The following NFATC1 variants were observed in gnomAD, a reference collection of about 807,000 sequenced individuals.
The protein encoded by NFATC1 is nuclear factor of activated T cells 1.
In NFATC1, 22 loss-of-function variants were observed where a neutral mutation model predicts 76.0. The observed-to-expected ratio is 0.29, with a 90% CI of 0.21 to 0.41. The LOEUF (loss-of-function observed/expected upper bound fraction) is 0.41, where lower values mean the gene tolerates loss of function less well. Ranked by LOEUF, NFATC1 falls within the 10% of genes least tolerant of loss-of-function variation. The probability of loss-of-function intolerance (pLI) is 1.00; values close to 1 mark genes in which losing one functional copy is unlikely to be tolerated. For missense variants in NFATC1, 1,357 were observed against 1,337.7 expected (o/e 1.01, Z -0.23); for synonymous variants, 704 against 613.1 (o/e 1.15, Z -2.19).
intron 9 of NFATC1, among the ~76,000 whole-genome samples, chr18:79,489,729 C>A (rs1037219447): frequency 6.6e-6 from 1 of 152,202 alleles, no homozygotes; most frequent in East Asian, 1.9e-4. Context: ...CGTCCACGTA[C>A]GCTTCGTCAG....
chr18:79,448,811 G>A lies in NFATC1; in HGVS notation c.1416G>A (p.Leu472=), dbSNP rs1482385709. The stretch of plus-strand genomic sequence containing the variant: ...ATGGCTACTTGGAGAATGAGCCGCT[G>A]ATGCTGCAGCTTTTCATTGGGACGG... ...QLHGYLENEP[L]MLQLFIGTAD... The change falls in exon 4 of 10, where the codon CTG becomes CTA. Residue 472 remains leucine, a synonymous_variant. Coordinates refer to ENST00000427363, the MANE Select transcript of NFATC1 (RefSeq NM_001278669.2). The A allele has an allele frequency of 1.2e-6, 2 of 1,613,768 alleles. No individual in the cohort carries two copies. The highest frequency in any genetic ancestry group is 1.7e-6 in the Non-Finnish European group (2 of 1,180,022).
At chr18:79,441,078 T>C (rs2086957003) in intron 3 of NFATC1, among the ~76,000 whole-genome samples, 1 of 152,230 alleles carries the variant, frequency 6.6e-6, no homozygotes, top group African/African-American at 2.4e-5. Context: ...CCCTGGGCCC[T>C]GCGGAGCCGA....
Position 79,410,319 on chromosome 18 carries a change from G to A in NFATC1, c.128-84G>A. The A allele has an allele frequency of 1.3e-6, 2 of 1,522,890 alleles. No individual in the cohort carries two copies. The highest frequency in any genetic ancestry group is 2.0e-5 in the Admixed American group (1 of 49,850). The allele number at this position is 1,522,890 out of a possible 1,614,324, so 94.3% of individuals were successfully genotyped here. A position where few individuals can be genotyped will look rare whatever the true frequency, so the allele number is the denominator to read the frequency against. On this transcript the variant is annotated intron_variant, in intron 1 of 9. Coordinates refer to ENST00000427363, the MANE Select transcript of NFATC1 (RefSeq NM_001278669.2). This position sits in a 1 kb window ranked among gnomAD's most constrained non-coding sequence, Gnocchi z 6.7. ...TGGGGTCCGTTGGTCGAGGCCGGGGGTTGCTGGCCGGCCCTGAGTTCATGG... is the reference window on the plus strand; with the variant it reads ...TGGGGTCCGTTGGTCGAGGCCGGGGATTGCTGGCCGGCCCTGAGTTCATGG...
intron 8 of NFATC1, among the ~76,000 whole-genome samples, chr18:79,478,812 G>T (rs2089174753): frequency 6.6e-6 from 1 of 152,220 alleles, no homozygotes; most frequent in Non-Finnish European, 1.5e-5. Context: ...CAGAGACTCT[G>T]CAGCGGCATC....
intron 7 of NFATC1, among the ~76,000 whole-genome samples, chr18:79,462,203 G>A (rs907619831): frequency 6.6e-6 from 1 of 152,162 alleles, no homozygotes; most frequent in African/African-American, 2.4e-5. Flanking sequence ...CCATCCCTGC[G>A]CTTCTGATCC....
intron 3 of NFATC1, among the ~76,000 whole-genome samples, chr18:79,446,430 C>T (rs1329043188): frequency 6.6e-6 from 1 of 151,702 alleles, no homozygotes; most frequent in Non-Finnish European, 1.5e-5. Flanking sequence ...GACTCATTTA[C>T]ATTTTTTTCT....
At chr18:79,400,837 C>CTGTT (rs2085203495) in intron 1 of NFATC1, among the ~76,000 whole-genome samples, 1 of 578 alleles carries the variant, frequency 1.7e-3, no homozygotes, top group African/African-American at 6.0e-3. Flanking sequence ...CCCCGACCCC[C>CTGTT]CCCCCACCCG....
chr18:79,462,997 G>A (rs183950309), intron 7 of NFATC1, among the ~76,000 whole-genome samples: 21 of 152,302 alleles, frequency 1.4e-4, no homozygotes, highest in African/African-American at 5.1e-4. Context: ...ATGGAGAGCG[G>A]TGCTGGCACC....
At chr18:79,436,637 C>T (rs543476929) in intron 3 of NFATC1, among the ~76,000 whole-genome samples, 10 of 152,354 alleles carry the variant, frequency 6.6e-5, no homozygotes, top group Admixed American at 3.9e-4. Flanking sequence ...CACCTTCTCT[C>T]CAGGAAGCAT....
At chr18:79,414,807 A>G (rs2085821446) in intron 2 of NFATC1, among the ~76,000 whole-genome samples, 1 of 152,178 alleles carries the variant, frequency 6.6e-6, no homozygotes, top group Admixed American at 6.5e-5. Flanking sequence ...GATCATAGCA[A>G]GTGGCCTCCC....
chr18:79,409,344 C>T (rs1005976561), intron 1 of NFATC1, among the ~76,000 whole-genome samples: 4 of 150,814 alleles, frequency 2.7e-5, no homozygotes, highest in Admixed American at 6.6e-5. Flanking sequence ...ATCCATCCAT[C>T]CATCCATCCA....
chr18:79,406,143 C>T (rs923040203), intron 1 of NFATC1, among the ~76,000 whole-genome samples: 1 of 152,144 alleles, frequency 6.6e-6, no homozygotes, highest in Admixed American at 6.5e-5. Context: ...GGTGGGGAGG[C>T]CCCAAGACTT....
At chr18:79,399,016 G>C (rs1156778037) in intron 1 of NFATC1, among the ~76,000 whole-genome samples, 1 of 152,254 alleles carries the variant, frequency 6.6e-6, no homozygotes, top group Non-Finnish European at 1.5e-5. Context: ...GCAGTGAGCA[G>C]AGATTGCACC....
chr18:79,437,243 G>C (rs2086812171), intron 3 of NFATC1, among the ~76,000 whole-genome samples: 1 of 152,232 alleles, frequency 6.6e-6, no homozygotes. Flanking sequence ...GGAGAGAGGG[G>C]TCTGGCGTGG....
At chr18:79,510,398 A>T (rs1164770276) in intron 9 of NFATC1, among the ~76,000 whole-genome samples, 1 of 152,228 alleles carries the variant, frequency 6.6e-6, no homozygotes, top group African/African-American at 2.4e-5. Context: ...AGAACAGTTG[A>T]AGCGAGAAGT....
intron 5 of NFATC1, 126 bp downstream of exon 5, chr18:79,451,252 A>T: frequency 8.3e-7 from 1 of 1,204,280 alleles, no homozygotes; most frequent in Non-Finnish European, 1.1e-6. Context: ...CAAACCCACC[A>T]CAGTGTGTGG....
Position 79,486,458 on chromosome 18 carries a change from T to A in NFATC1, c.2303T>A (p.Leu768His). 1 of 1,610,674 alleles carries A rather than the reference T, an allele frequency of 6.2e-7. No homozygotes were observed. The highest frequency in any genetic ancestry group is 8.5e-7 in the Non-Finnish European group (1 of 1,179,800). Residue 768 changes from leucine to histidine, a missense_variant, in exon 9 of 10, where the codon CTC becomes CAC. Leu to His is a moderately conservative substitution (Grantham distance 99). Coordinates refer to ENST00000427363, the MANE Select transcript of NFATC1 (RefSeq NM_001278669.2). ...GCGGCCCCTGGCGTGAGCCCCAAGC[T>A]CCACGACCTTTCTCCCGCTGCCTAC... Reference protein sequence around the residue: ...MPAAPGVSPKLHDLSPAAYTK... With the variant: ...MPAAPGVSPKHHDLSPAAYTK...
intron 1 of NFATC1, among the ~76,000 whole-genome samples, chr18:79,407,580 T>C (rs304934): frequency 0.76 from 115,280 of 152,144 alleles, 45,769 homozygotes; most frequent in East Asian, 0.88. Context: ...CCCAAGTAGC[T>C]GGGACTACAG....
intron 8 of NFATC1, among the ~76,000 whole-genome samples, chr18:79,483,159 A>G (rs1175963929): frequency 2.7e-4 from 16 of 59,872 alleles, no homozygotes; most frequent in Admixed American, 5.7e-4. Flanking sequence ...GTGTAATTCC[A>G]GCGTGACCTG....
Sources: allele counts gnomAD v4.1 joint callset (sites outside exome capture counted in the v4.1 genomes callset), GRCh38; gene constraint gnomAD v4.1.1; non-coding constraint Gnocchi (gnomAD v3.1); transcripts MANE v1.5; gene names NCBI Gene and HGNC (gene_info 2026-07-23, HGNC 2026-07-21).